PVT1: variants seen among roughly 807,000 people sequenced by gnomAD.
The protein encoded by PVT1 is Pvt1 oncogene.
chr8:127,919,388 A>T (rs2129862400), intron 3 of PVT1, among the ~76,000 whole-genome samples: 1 of 152,158 alleles, frequency 6.6e-6, no homozygotes, highest in East Asian at 1.9e-4. Context: ...CCTCTTCTTA[A>T]CCCTCTACTG....
In PVT1 at chr8:127,848,331, G is replaced by T. The variant is rs113677778; in HGVS notation, n.373-42258G>T. 8.9e-3 allele frequency among the ~76,000 whole-genome samples: 1,354 copies of T among 151,868 alleles called. 26 individuals carry two copies. Among genetic ancestry groups the T allele is most frequent in the African/African-American group, 0.031 (1,265 of 41,422 alleles). On this transcript the variant is annotated intron_variant and non_coding_transcript_variant, in intron 2 of 10. Coordinates refer to ENST00000651587, the Ensembl canonical transcript of PVT1. ...ACTGGGGAGGCTGAGGCAGGGGGTTGCTTGAGCCCAGGAATTCGAGGCCAG... is the reference window on the plus strand; with the variant it reads ...ACTGGGGAGGCTGAGGCAGGGGGTTTCTTGAGCCCAGGAATTCGAGGCCAG...
At chr8:128,077,953 C>G (rs1214963199) in intron 5 of PVT1, among the ~76,000 whole-genome samples, 1 of 152,056 alleles carries the variant, frequency 6.6e-6, no homozygotes, top group Non-Finnish European at 1.5e-5. Flanking sequence ...TTCCTGACAC[C>G]AAAAGTCAGT....
intron 6 of PVT1, among the ~76,000 whole-genome samples, chr8:128,100,475 C>T (rs928897682): frequency 1.4e-4 from 22 of 152,236 alleles, no homozygotes; most frequent in East Asian, 7.7e-4. Flanking sequence ...ACTTGAGCTG[C>T]GGTCCAGCAA....
intron 2 of PVT1, among the ~76,000 whole-genome samples, chr8:127,818,915 C>T (rs1404497384): frequency 3.9e-5 from 6 of 152,078 alleles, no homozygotes; most frequent in African/African-American, 9.7e-5. Flanking sequence ...AGTGCAGTGG[C>T]GTGATCATAG....
At chr8:128,009,569 T>C (rs932931370) in intron 4 of PVT1, 2 of 152,238 alleles carry the variant, frequency 1.3e-5, no homozygotes, top group Non-Finnish European at 2.9e-5. Flanking sequence ...TCAAAATAGA[T>C]TTTATTTTTC....
intron 4 of PVT1, among the ~76,000 whole-genome samples, chr8:128,017,002 A>G (rs1489604489): frequency 6.6e-6 from 1 of 152,212 alleles, no homozygotes; most frequent in African/African-American, 2.4e-5. Flanking sequence ...ACTGGGAAAC[A>G]CAGCAAGACC....
chr8:128,061,651 G>A (rs1014209260), intron 4 of PVT1, among the ~76,000 whole-genome samples: 12 of 152,082 alleles, frequency 7.9e-5, no homozygotes, highest in South Asian at 2.1e-4. Flanking sequence ...CTCATTATTC[G>A]TGTTTATCTT....
intron 2 of PVT1, among the ~76,000 whole-genome samples, chr8:127,821,983 C>T (rs1386615563): frequency 6.6e-6 from 1 of 152,122 alleles, no homozygotes; most frequent in African/African-American, 2.4e-5. Flanking sequence ...TGTCTGGGTT[C>T]GAATCCTGGC....
intron 3 of PVT1, among the ~76,000 whole-genome samples, chr8:127,908,871 C>T (rs1014284613): frequency 6.6e-6 from 1 of 152,120 alleles, no homozygotes; most frequent in Non-Finnish European, 1.5e-5. Flanking sequence ...CTAAGAGGTA[C>T]GGTCACCCTC....
chr8:128,005,605 G>A (rs1366825929), intron 4 of PVT1, among the ~76,000 whole-genome samples: 4 of 152,074 alleles, frequency 2.6e-5, no homozygotes, highest in African/African-American at 4.8e-5. Context: ...CTCTGCATCC[G>A]GATGCATCCA....
intron 4 of PVT1, among the ~76,000 whole-genome samples, chr8:128,053,039 C>T (rs1198386471): frequency 6.6e-6 from 1 of 152,160 alleles, no homozygotes; most frequent in Non-Finnish European, 1.5e-5. Flanking sequence ...ATGGGTGGTG[C>T]ATGAAACAAA....
chr8:127,852,573 G>T (rs972430423), intron 2 of PVT1, among the ~76,000 whole-genome samples: 1 of 152,186 alleles, frequency 6.6e-6, no homozygotes, highest in East Asian at 1.9e-4. Context: ...TATCTATTTC[G>T]TAGGGTTGGT....
Position 127,970,289 on chromosome 8 carries a change from G to GTTTTTTTTTTTTTTTTTTTTTTTT in PVT1, n.783-18870_783-18847dup, listed in dbSNP as rs68010926. On this transcript the variant is annotated intron_variant and non_coding_transcript_variant, in intron 3 of 10. Coordinates refer to ENST00000651587, the Ensembl canonical transcript of PVT1. ...CATTCCTCTCCATCTGCCATGATTT[G>GTTTTTTTTTTTTTTTTTTTTTTTT]TTTTTTTTTTTTTTTTTTTTTTTTT... Among the ~76,000 whole-genome samples, 5 of 49,120 alleles carry GTTTTTTTTTTTTTTTTTTTTTTTT rather than the reference G, an allele frequency of 1.0e-4. 2 individuals carry two copies. The highest frequency in any genetic ancestry group is 5.6e-4 in the Admixed American group (2 of 3,546). The allele number at this position is 49,120 out of a possible 152,430, so 32.2% of individuals were successfully genotyped here. A position where few individuals can be genotyped will look rare whatever the true frequency, so the allele number is the denominator to read the frequency against.
chr8:127,912,595 G>A (rs963633135), intron 3 of PVT1, among the ~76,000 whole-genome samples: 9 of 152,216 alleles, frequency 5.9e-5, no homozygotes, highest in African/African-American at 2.2e-4. Flanking sequence ...TTGTGATAGA[G>A]GAAGAAAGGT....
rs575917224 is a variant in PVT1 at position 128,025,214 on chromosome 8, T to G, written n.912+35923T>G. Among the ~76,000 whole-genome samples the G allele has an allele frequency of 3.9e-5, 6 of 152,312 alleles. No homozygotes were observed. The South Asian group carries it at 1.0e-3, about 26-fold the overall frequency. ...CACACTTGTGTATTTGCTCAGCGGT[T>G]CGGGGTACGGAAGCAGGATGCCTTC... On this transcript the variant is annotated intron_variant and non_coding_transcript_variant, in intron 4 of 10. Transcript: ENST00000651587.
chr8:127,805,287 T>G lies in PVT1; in HGVS notation n.372+9216T>G, dbSNP rs1209968915. ...GTTCAGTGACTGTTTCGTTGCTTAC[T>G]TTATCATTCCTTTGATTTGGATGCT... On this transcript the variant is annotated intron_variant and non_coding_transcript_variant, in intron 2 of 10. Transcript: ENST00000651587. Among the ~76,000 whole-genome samples, 3 of 152,302 alleles carry G rather than the reference T, an allele frequency of 2.0e-5. No individual in the cohort carries two copies. In the East Asian group the frequency reaches 5.8e-4, roughly 29 times the overall value.
intron 3 of PVT1, among the ~76,000 whole-genome samples, chr8:127,945,202 T>C (rs998036569): frequency 8.5e-5 from 13 of 152,194 alleles, no homozygotes; most frequent in Admixed American, 3.9e-4. Flanking sequence ...TTTCTTTCTT[T>C]CTTTTTTATT....
At chr8:127,817,294 G>A (rs1814672053) in intron 2 of PVT1, among the ~76,000 whole-genome samples, 1 of 150,406 alleles carries the variant, frequency 6.6e-6, no homozygotes, top group African/African-American at 2.5e-5. Context: ...AGTTCATTAT[G>A]CAATGAACTT....
At chr8:127,825,955 A>G (rs1814783068) in intron 2 of PVT1, among the ~76,000 whole-genome samples, 1 of 141,182 alleles carries the variant, frequency 7.1e-6, no homozygotes. Flanking sequence ...GGCTCAATGG[A>G]TTCTCTTGTC....
Sources: allele counts gnomAD v4.1 joint callset (sites outside exome capture counted in the v4.1 genomes callset), GRCh38; gene constraint gnomAD v4.1.1; transcripts MANE v1.5; gene names NCBI Gene and HGNC (gene_info 2026-07-23, HGNC 2026-07-21).